The following ASIC2 variants were observed in gnomAD, a reference collection of about 807,000 sequenced individuals.
ASIC2 encodes the protein acid-sensing ion channel 2.
ASIC2 carries 25 observed loss-of-function variants against 57.3 expected under a neutral mutation model. The observed-to-expected ratio is 0.44, with a 90% CI of 0.32 to 0.61. The LOEUF is 0.61. ASIC2 is among the 20% of genes least tolerant of loss of function. ASIC2 has a pLI of 0.06. For synonymous variants in ASIC2, 319 were observed against 307.5 expected (o/e 1.04, Z -0.39); for missense variants, 641 against 738.1 (o/e 0.87, Z 1.52).
chr17:33,844,724 G>C (rs1273898504), intron 1 of ASIC2, among the ~76,000 whole-genome samples: 2 of 152,156 alleles, frequency 1.3e-5, no homozygotes, highest in East Asian at 1.9e-4. Flanking sequence ...GAATAATCCA[G>C]CTGACAGATA....
At chr17:33,561,872 G>T (rs1205594753) in intron 1 of ASIC2, among the ~76,000 whole-genome samples, 1 of 152,238 alleles carries the variant, frequency 6.6e-6, no homozygotes, top group Non-Finnish European at 1.5e-5. Context: ...TCTTAGTTCA[G>T]TGATTGACGT....
rs535627221 is a variant in ASIC2 at position 33,245,954 on chromosome 17, C to A, written c.708+45454G>T. 3.3e-5 allele frequency among the ~76,000 whole-genome samples: 5 copies of A among 151,286 alleles called. No individual in the cohort carries two copies. In the South Asian group the frequency reaches 6.2e-4, roughly 19 times the overall value. On this transcript the variant is annotated intron_variant, in intron 1 of 9. Transcript: ENST00000225823. ...TCTGTAATCCCAGCACTTTGGGAGG[C>A]CAAGACAGGAGAATTGCTTGAGGCC...
chr17:33,583,714 A>T, intron 1 of ASIC2, among the ~76,000 whole-genome samples: 1 of 152,190 alleles, frequency 6.6e-6, no homozygotes, highest in South Asian at 2.1e-4. Context: ...TGCCCAGATT[A>T]TTTCATAGCC....
intron 1 of ASIC2, among the ~76,000 whole-genome samples, chr17:33,313,150 T>C (rs1366529825): frequency 1.3e-5 from 2 of 151,344 alleles, no homozygotes; most frequent in African/African-American, 4.9e-5. Flanking sequence ...AGAGCCCCCA[T>C]CTCAACAAAA....
chr17:33,368,437 C>T (rs926412635), intron 1 of ASIC2, among the ~76,000 whole-genome samples: 1 of 152,186 alleles, frequency 6.6e-6, no homozygotes, highest in Non-Finnish European at 1.5e-5. Flanking sequence ...AGGGCCCAGA[C>T]TTCAGGGATC....
chr17:33,691,034 A>T (rs991261628), intron 1 of ASIC2, among the ~76,000 whole-genome samples: 4 of 152,048 alleles, frequency 2.6e-5, no homozygotes, highest in Admixed American at 6.5e-5. Flanking sequence ...CAGGCGTGAA[A>T]CACCGTGCCC....
At chr17:33,970,397 T>C (rs1230327998) in intron 1 of ASIC2, among the ~76,000 whole-genome samples, 1 of 152,176 alleles carries the variant, frequency 6.6e-6, no homozygotes, top group Non-Finnish European at 1.5e-5. Flanking sequence ...AGTGGGATGC[T>C]GCACTTGGAA....
At chr17:33,404,172 C>T (rs1910385453) in intron 1 of ASIC2, among the ~76,000 whole-genome samples, 1 of 152,154 alleles carries the variant, frequency 6.6e-6, no homozygotes, top group Admixed American at 6.5e-5. Context: ...GTTGCTAGAA[C>T]TGGAGGTGGG....
In ASIC2 at chr17:34,038,245, T is replaced by C. The variant is rs931931527; in HGVS notation, c.555+117733A>G. 3 of 1,611,006 alleles carry C rather than the reference T, an allele frequency of 1.9e-6. No individual in the cohort carries two copies. The African/African-American group carries it at 4.0e-5, about 22-fold the overall frequency. On this transcript the variant is annotated intron_variant, in intron 1 of 9. Coordinates refer to the ASIC2 transcript ENST00000359872. ...TCTGCATGATAATGGACCGGGCCTCTTTCTCTGACATTAATTTGTGCTGTT... is the reference window on the plus strand; with the variant it reads ...TCTGCATGATAATGGACCGGGCCTCCTTCTCTGACATTAATTTGTGCTGTT...
At chr17:34,014,886 ATC>A (rs530853281) in intron 1 of ASIC2, among the ~76,000 whole-genome samples, 279 of 123,374 alleles carry the variant, frequency 2.3e-3, no homozygotes, top group African/African-American at 9.7e-3. Flanking sequence ...TGGAAATAAT[ATC>A]GCTGCATTTT....
intron 1 of ASIC2, among the ~76,000 whole-genome samples, chr17:33,790,035 A>G (rs1364726773): frequency 1.3e-5 from 2 of 152,274 alleles, no homozygotes; most frequent in Non-Finnish European, 2.9e-5. Context: ...TGAGACATGG[A>G]AAGTTGTATA....
At chr17:34,072,849 G>T (rs1007356439) in intron 1 of ASIC2, among the ~76,000 whole-genome samples, 3 of 152,142 alleles carry the variant, frequency 2.0e-5, no homozygotes, top group African/African-American at 7.2e-5. Flanking sequence ...ACTCTTGGAC[G>T]TTTAGGTTTC....
At chr17:33,955,048 G>A (rs568134824) in intron 1 of ASIC2, 3 of 152,216 alleles carry the variant, frequency 2.0e-5, no homozygotes, top group South Asian at 2.1e-4. Flanking sequence ...TGCATCAAAG[G>A]TAGGTAGGTA....
chr17:33,345,441 A>C (rs1266782016), intron 1 of ASIC2, among the ~76,000 whole-genome samples: 1 of 152,222 alleles, frequency 6.6e-6, no homozygotes, highest in Admixed American at 6.5e-5. Flanking sequence ...TGGGGGGCCT[A>C]TGCCTCTTCT....
chr17:33,552,070 C>T (rs942997446), intron 1 of ASIC2, among the ~76,000 whole-genome samples: 2 of 152,114 alleles, frequency 1.3e-5, no homozygotes, highest in Non-Finnish European at 2.9e-5. Flanking sequence ...AATCTCATTG[C>T]CCACCGCTTC....
At position 34,132,472 on chromosome 17, in the gene ASIC2, A is replaced by G. The variant is rs1338570467; in HGVS notation, c.555+23506T>C. ...TCCGCCCATGTTCTGTTTTTGTCCT[A>G]TCAGCGTGTCTTCAAGGGTCTTTCT... On this transcript the variant is annotated intron_variant, in intron 1 of 9. Coordinates refer to the ASIC2 transcript ENST00000359872. Among the ~76,000 whole-genome samples, 4 of 150,844 alleles carry G rather than the reference A, an allele frequency of 2.7e-5. No individual in the cohort carries two copies. In the East Asian group the frequency reaches 7.7e-4, roughly 29 times the overall value.
intron 2 of ASIC2, among the ~76,000 whole-genome samples, chr17:33,096,570 A>G (rs1435095346): frequency 6.6e-6 from 1 of 152,184 alleles, no homozygotes; most frequent in Non-Finnish European, 1.5e-5. Context: ...CAGTGAAGCC[A>G]ACAGCATGGT....
At chr17:33,765,086 G>A (rs1910894635) in intron 1 of ASIC2, among the ~76,000 whole-genome samples, 1 of 152,082 alleles carries the variant, frequency 6.6e-6, no homozygotes, top group Non-Finnish European at 1.5e-5. Context: ...GGTGACAGTG[G>A]AACTTGATGG....
intron 1 of ASIC2, among the ~76,000 whole-genome samples, chr17:33,461,173 G>A: frequency 6.6e-6 from 1 of 152,190 alleles, no homozygotes; most frequent in Non-Finnish European, 1.5e-5. Flanking sequence ...CAAATGCAAA[G>A]TTCACCCACC....
Sources: allele counts gnomAD v4.1 joint callset (sites outside exome capture counted in the v4.1 genomes callset), GRCh38; gene constraint gnomAD v4.1.1; transcripts MANE v1.5; gene names NCBI Gene and HGNC (gene_info 2026-07-23, HGNC 2026-07-21).